Variants in TBC1D19 observed in about 807,000 individuals in gnomAD.
TBC1D19 encodes TBC1 domain family member 19.
Under a neutral mutation model 89.0 loss-of-function variants are expected in TBC1D19, and 60 were observed. The ratio of observed to expected loss-of-function variants is 0.67; its 90% CI spans 0.55 to 0.84. The LOEUF (loss-of-function observed/expected upper bound fraction) is 0.84, where lower values mean the gene tolerates loss of function less well. TBC1D19 is among the 40% of genes least tolerant of loss of function. The pLI, the probability that TBC1D19 is intolerant of heterozygous loss-of-function variation, is 0.00. For missense variants in TBC1D19, 500 were observed against 610.8 expected (o/e 0.82, Z 1.91); for synonymous variants, 189 against 199.7 (o/e 0.95, Z 0.45).
At chr4:26,790,620 A>G in the TBC1D19 span, among the ~76,000 whole-genome samples, 1 of 152,362 alleles carries the variant, frequency 6.6e-6, no homozygotes, top group Non-Finnish European at 1.5e-5. Context: ...AGTTGGCCAC[A>G]GAGTTTTATT....
chr4:26,729,475 T>C (rs1412297874), intron 15 of TBC1D19, among the ~76,000 whole-genome samples: 3 of 152,232 alleles, frequency 2.0e-5, no homozygotes, highest in Non-Finnish European at 4.4e-5. Flanking sequence ...GTTGGAAATA[T>C]GAACTAAGTA....
chr4:26,771,189 G>A, the TBC1D19 span, among the ~76,000 whole-genome samples: 1 of 151,190 alleles, frequency 6.6e-6, no homozygotes, highest in Non-Finnish European at 1.5e-5. Context: ...AAAAAAAAAA[G>A]ATTACTGTTC....
At chr4:26,612,538 A>G (rs1741446597) in intron 1 of TBC1D19, among the ~76,000 whole-genome samples, 1 of 152,068 alleles carries the variant, frequency 6.6e-6, no homozygotes, top group Non-Finnish European at 1.5e-5. Flanking sequence ...TGACAGAGCT[A>G]GGTGATGGAA....
At chr4:26,825,563 CA>C in the TBC1D19 span, among the ~76,000 whole-genome samples, 1 of 152,144 alleles carries the variant, frequency 6.6e-6, no homozygotes, top group Non-Finnish European at 1.5e-5. Flanking sequence ...ACTCATTGTT[CA>C]CTGTTTTGAA....
chr4:26,620,988 C>G (rs12505249), intron 4 of TBC1D19, among the ~76,000 whole-genome samples: 69,248 of 151,910 alleles, frequency 0.46, 17,535 homozygotes, highest in Admixed American at 0.6. Context: ...TTCTTCATGG[C>G]CTGTGATATT....
the TBC1D19 span, among the ~76,000 whole-genome samples, chr4:26,839,258 C>T: frequency 3.9e-5 from 6 of 151,938 alleles, no homozygotes; most frequent in East Asian, 3.9e-4. Flanking sequence ...AATTTTAAAG[C>T]GGCTTTAAAA....
intron 7 of TBC1D19, among the ~76,000 whole-genome samples, chr4:26,653,562 T>G (rs190526560): frequency 6.6e-6 from 1 of 152,334 alleles, no homozygotes; most frequent in African/African-American, 2.4e-5. Context: ...TGCTCCTGTA[T>G]TGGGTGCATA....
At chr4:26,638,894 G>A (rs1339246348) in intron 6 of TBC1D19, 60 bp downstream of exon 6, 3 of 1,247,742 alleles carry the variant, frequency 2.4e-6, no homozygotes, top group African/African-American at 1.5e-5. Flanking sequence ...CTTAACTGTG[G>A]ATCCAAAATA....
intron 15 of TBC1D19, among the ~76,000 whole-genome samples, chr4:26,722,807 A>T (rs918255586): frequency 6.6e-6 from 1 of 152,228 alleles, no homozygotes; most frequent in African/African-American, 2.4e-5. Flanking sequence ...TTTAGTCCTT[A>T]CAAGAACCTA....
the TBC1D19 span, among the ~76,000 whole-genome samples, chr4:26,793,113 G>T: frequency 4.9e-4 from 75 of 152,278 alleles, 1 homozygote; most frequent in African/African-American, 1.6e-3. Context: ...GGAAGTTGCA[G>T]TGCTGAAGAG....
intron 7 of TBC1D19, among the ~76,000 whole-genome samples, chr4:26,643,938 TC>T (rs1174220246): frequency 2.0e-5 from 3 of 152,028 alleles, no homozygotes; most frequent in Non-Finnish European, 4.4e-5. Flanking sequence ...ATTAATAGCC[TC>T]CCAACCAAAA....
intron 7 of TBC1D19, among the ~76,000 whole-genome samples, chr4:26,642,040 C>A (rs1050186727): frequency 6.6e-6 from 1 of 152,154 alleles, no homozygotes; most frequent in Non-Finnish European, 1.5e-5. Flanking sequence ...CCCTAACTAG[C>A]AAGGCAGGCC....
At position 26,584,252 on chromosome 4, in the gene TBC1D19, A is replaced by G; in HGVS notation, c.59A>G (p.Lys20Arg). 6.2e-7 allele frequency: 1 copy of G among 1,612,926 alleles called. No homozygotes were observed. Residue 20 changes from lysine to arginine, a missense_variant, in exon 1 of 21, where the codon AAG (lysine) becomes AGG (arginine). Lys to Arg is a conservative substitution (Grantham distance 26, BLOSUM62 2). This residue lies in a region of TBC1D19 where 280 missense variants were observed against 291.7 expected (regional missense o/e 0.96). Coordinates refer to ENST00000264866, the MANE Select transcript of TBC1D19 (RefSeq NM_018317.4). ...LIIAQIVQKL[K>R]GSNLYSQLER... Reference sequence around the variant, plus strand: ...ATTGCCCAGATAGTCCAAAAGCTCAAGGGCTCCAATTTGTACTCTCAGCTG... The same window carrying G: ...ATTGCCCAGATAGTCCAAAAGCTCAGGGGCTCCAATTTGTACTCTCAGCTG...
chr4:26,712,206 G>A (rs996315058), intron 13 of TBC1D19, among the ~76,000 whole-genome samples: 1 of 151,972 alleles, frequency 6.6e-6, no homozygotes, highest in African/African-American at 2.4e-5. Flanking sequence ...TGTTGTATTT[G>A]TTGATTGGTT....
the TBC1D19 span, among the ~76,000 whole-genome samples, chr4:26,798,113 A>G: frequency 1.3e-5 from 2 of 152,206 alleles, no homozygotes; most frequent in African/African-American, 4.8e-5. Flanking sequence ...CAGACAACCT[A>G]TAGAATGGGA....
intron 3 of TBC1D19, 99 bp downstream of exon 3, chr4:26,614,552 ATTT>A (rs1741562188): frequency 2.0e-5 from 13 of 646,530 alleles, no homozygotes; most frequent in Non-Finnish European, 3.0e-5. Context: ...TTGTATTATT[ATTT>A]ATCATTAATA....
At chr4:26,830,974 G>A in the TBC1D19 span, among the ~76,000 whole-genome samples, 1 of 152,162 alleles carries the variant, frequency 6.6e-6, no homozygotes, top group Non-Finnish European at 1.5e-5. Context: ...ATACCCAAAA[G>A]GGTCTATAAC....
At chr4:26,590,796 G>GGTTTTTTTTTTTTT (rs1739721844) in intron 1 of TBC1D19, among the ~76,000 whole-genome samples, 1 of 52,958 alleles carries the variant, frequency 1.9e-5, no homozygotes, top group Non-Finnish European at 3.1e-5. Context: ...TTGCAGGTCT[G>GGTTTTTTTTTTTTT]TTTTTTTTTT....
At chr4:26,842,100 C>A in the TBC1D19 span, among the ~76,000 whole-genome samples, 1 of 151,970 alleles carries the variant, frequency 6.6e-6, no homozygotes, top group Non-Finnish European at 1.5e-5. Context: ...GAACAAAGGC[C>A]ACCAAATTTT....
Sources: allele counts gnomAD v4.1 joint callset (sites outside exome capture counted in the v4.1 genomes callset), GRCh38; gene constraint gnomAD v4.1.1; regional missense constraint gnomAD v4.1.1; transcripts MANE v1.5; gene names NCBI Gene and HGNC (gene_info 2026-07-23, HGNC 2026-07-21).